THSD7A: variants seen among roughly 807,000 people sequenced by gnomAD.
THSD7A encodes the protein thrombospondin type 1 domain containing 7A, also known as thrombospondin type-1 domain-containing protein 7A.
THSD7A carries 96 observed loss-of-function variants against 231.3 expected under a neutral mutation model. That is an observed-to-expected ratio of 0.41 (90% CI 0.35 to 0.49). The LOEUF (loss-of-function observed/expected upper bound fraction) is 0.49. Ranked by LOEUF, THSD7A falls within the 20% of genes least tolerant of loss-of-function variation. The pLI, the probability that THSD7A is intolerant of heterozygous loss-of-function variation, is 0.05. For synonymous variants in THSD7A, 940 were observed against 743.3 expected (o/e 1.26, Z -4.30); for missense variants, 2,290 against 2,070.2 (o/e 1.11, Z -2.06).
At chr7:11,508,366 G>C (rs980246659) in intron 6 of THSD7A, among the ~76,000 whole-genome samples, 1 of 152,024 alleles carries the variant, frequency 6.6e-6, no homozygotes, top group African/African-American at 2.4e-5. Context: ...AAACCACAAT[G>C]AGATACCACT....
At chr7:11,633,285 C>A (rs1045687575) in intron 2 of THSD7A, among the ~76,000 whole-genome samples, 4 of 152,188 alleles carry the variant, frequency 2.6e-5, no homozygotes, top group African/African-American at 9.6e-5. Flanking sequence ...CACTGGTTTA[C>A]AGGGAAGCTT....
At chr7:11,668,777 C>T (rs1361026541) in intron 1 of THSD7A, among the ~76,000 whole-genome samples, 3 of 152,104 alleles carry the variant, frequency 2.0e-5, no homozygotes, top group Admixed American at 6.6e-5. Flanking sequence ...GTAATCCAGC[C>T]TTCTGTCCTG....
chr7:11,445,869 A>C (rs868445494), intron 13 of THSD7A, among the ~76,000 whole-genome samples, 192 bp downstream of exon 13: 1 of 152,048 alleles, frequency 6.6e-6, no homozygotes, highest in South Asian at 2.1e-4. Flanking sequence ...TTAAGTTGCC[A>C]ACTTCTGGAC....
chr7:11,808,068 T>C (rs989092473), intron 1 of THSD7A, among the ~76,000 whole-genome samples: 1 of 152,092 alleles, frequency 6.6e-6, no homozygotes, highest in African/African-American at 2.4e-5. Context: ...CATTTTTCCA[T>C]ACACAACTCT....
rs1455819865 is a variant in THSD7A at position 11,636,846 on chromosome 7, G to A, written c.306C>T (p.Ala102=). 3 of 1,613,680 alleles carry A rather than the reference G, an allele frequency of 1.9e-6. No individual in the cohort carries two copies. Among genetic ancestry groups the A allele is most frequent in the Admixed American group, 1.7e-5 (1 of 59,976 alleles). Reference sequence around the variant, plus strand: ...AATTCTGCTGGTTATTGGGTCTCTCGGCCTGCTTACAGTTAGTATGCAGTG... The same window carrying A: ...AATTCTGCTGGTTATTGGGTCTCTCAGCCTGCTTACAGTTAGTATGCAGTG... ...WTTLHTNCKQ[A]ERPNNQQNCF... is the part of the protein sequence containing the mutation. Residue 102 remains alanine (A), a synonymous_variant, in exon 2 of 28, where the codon GCC becomes GCT. Transcript: ENST00000423059. The surrounding 1 kb of genome is among the most constrained non-coding windows in gnomAD (Gnocchi z 10.0).
At chr7:11,732,272 G>A (rs1186016837) in intron 1 of THSD7A, among the ~76,000 whole-genome samples, 1 of 151,684 alleles carries the variant, frequency 6.6e-6, no homozygotes, top group Admixed American at 6.6e-5. Context: ...AATTTACCAT[G>A]CATTACTTCA....
In THSD7A at chr7:11,686,456, A is replaced by G. The variant is rs1052180284; in HGVS notation, c.191-49495T>C. On this transcript the variant is annotated intron_variant, in intron 1 of 27. Transcript: ENST00000423059. The stretch of plus-strand genomic sequence containing the variant: ...TGAAAAGATACATAACAACATGTAC[A>G]TAGGGTACATATCTGACTTTTTGCT... Among the ~76,000 whole-genome samples, 4 of 151,910 alleles carry G rather than the reference A, an allele frequency of 2.6e-5. No individual in the cohort carries two copies. In the East Asian group the frequency reaches 7.8e-4, roughly 29 times the overall value.
chr7:11,772,097 T>C (rs998892166), intron 1 of THSD7A, among the ~76,000 whole-genome samples: 2 of 152,122 alleles, frequency 1.3e-5, no homozygotes, highest in Non-Finnish European at 2.9e-5. Flanking sequence ...AGTATTTCTT[T>C]AAGCAATGTG....
intron 4 of THSD7A, among the ~76,000 whole-genome samples, chr7:11,558,288 C>T (rs972152094): frequency 5.9e-5 from 9 of 152,084 alleles, no homozygotes; most frequent in African/African-American, 1.7e-4. Flanking sequence ...GTGGCAACTA[C>T]AGGAAAAAGT....
intron 4 of THSD7A, among the ~76,000 whole-genome samples, chr7:11,571,776 A>G (rs569385093): frequency 6.6e-6 from 1 of 151,998 alleles, no homozygotes; most frequent in South Asian, 2.1e-4. Flanking sequence ...CTCGTTCGTT[A>G]TCTTTATTCA....
intron 7 of THSD7A, among the ~76,000 whole-genome samples, chr7:11,477,039 T>C (rs1786219991): frequency 6.6e-6 from 1 of 152,092 alleles, no homozygotes; most frequent in Non-Finnish European, 1.5e-5. Flanking sequence ...CATAAGCAAT[T>C]AAATATTCAA....
chr7:11,387,871 G>T (rs953934643), intron 23 of THSD7A, among the ~76,000 whole-genome samples: 4 of 152,130 alleles, frequency 2.6e-5, no homozygotes, highest in Non-Finnish European at 5.9e-5. Context: ...TTATTATTTT[G>T]AGATATGTTT....
chr7:11,706,007 G>A (rs1047926256), intron 1 of THSD7A, among the ~76,000 whole-genome samples: 1 of 150,896 alleles, frequency 6.6e-6, no homozygotes, highest in Non-Finnish European at 1.5e-5. Context: ...CTACACAAAT[G>A]ATTTGGATTA....
chr7:11,524,295 C>G (rs569198778), intron 6 of THSD7A, among the ~76,000 whole-genome samples: 1 of 151,974 alleles, frequency 6.6e-6, no homozygotes, highest in South Asian at 2.1e-4. Flanking sequence ...ACAATCTTGG[C>G]GCACAACTTC....
chr7:11,492,865 C>T (rs1258280051), intron 6 of THSD7A, among the ~76,000 whole-genome samples: 1 of 152,054 alleles, frequency 6.6e-6, no homozygotes, highest in African/African-American at 2.4e-5. Flanking sequence ...AGCCTAAGGC[C>T]TGCAGCTGAG....
chr7:11,631,933 T>C (rs192215076), intron 2 of THSD7A, among the ~76,000 whole-genome samples: 1 of 152,280 alleles, frequency 6.6e-6, no homozygotes, highest in Non-Finnish European at 1.5e-5. Context: ...GGCTGAGACT[T>C]CTATCCTTAA....
rs557058992 is a variant in THSD7A at position 11,730,214 on chromosome 7, T to C, written c.191-93253A>G. 2.6e-5 allele frequency among the ~76,000 whole-genome samples: 4 copies of C among 151,768 alleles called. No individual in the cohort carries two copies. The South Asian group carries it at 8.3e-4, about 31-fold the overall frequency. The stretch of plus-strand genomic sequence containing the variant: ...AAATATTGTATTACAAAATGTTTAA[T>C]CAGAATTAAAATTTAAAAATGAAGC... On this transcript the variant is annotated intron_variant, in intron 1 of 27. Coordinates refer to ENST00000423059, the MANE Select transcript of THSD7A (RefSeq NM_015204.3).
At chr7:11,503,081 C>T (rs536196569) in intron 6 of THSD7A, among the ~76,000 whole-genome samples, 1 of 152,248 alleles carries the variant, frequency 6.6e-6, no homozygotes, top group South Asian at 2.1e-4. Context: ...GCTTCAGTGA[C>T]CAAAACAGCA....
intron 6 of THSD7A, among the ~76,000 whole-genome samples, chr7:11,509,917 A>C (rs931071117): frequency 7.2e-5 from 11 of 151,760 alleles, no homozygotes; most frequent in Non-Finnish European, 1.6e-4. Flanking sequence ...TACTGTTCTC[A>C]CCACAAATAA....
Sources: allele counts gnomAD v4.1 joint callset (sites outside exome capture counted in the v4.1 genomes callset), GRCh38; gene constraint gnomAD v4.1.1; non-coding constraint Gnocchi (gnomAD v3.1); transcripts MANE v1.5; gene names NCBI Gene and HGNC (gene_info 2026-07-23, HGNC 2026-07-21).